The following DSG1 variants were observed in gnomAD, a reference collection of about 807,000 sequenced individuals.
The protein encoded by DSG1 is desmoglein 1.
A neutral mutation model predicts 97.5 loss-of-function variants in DSG1; 39 were observed. The observed-to-expected ratio is 0.40, with a 90% CI of 0.31 to 0.52. The LOEUF is 0.52. Ranked by LOEUF, DSG1 falls within the 20% of genes least tolerant of loss-of-function variation. The pLI, the probability that DSG1 is intolerant of heterozygous loss-of-function variation, is 0.53. For missense variants in DSG1, 1,311 were observed against 1,295.4 expected (o/e 1.01, Z -0.18); for synonymous variants, 475 against 443.4 (o/e 1.07, Z -0.90).
intron 14 of DSG1, chr18:31,347,523 T>C (rs1010640406): frequency 6.6e-6 from 1 of 152,152 alleles, no homozygotes; most frequent in South Asian, 2.1e-4. Flanking sequence ...ACACAGAGGG[T>C]CTGGCAAATA....
At chr18:31,330,402 T>G (rs1198579961) in intron 5 of DSG1, among the ~76,000 whole-genome samples, 1 of 152,108 alleles carries the variant, frequency 6.6e-6, no homozygotes, top group Non-Finnish European at 1.5e-5. Flanking sequence ...TTTTTTCCCC[T>G]TTTTTAAAGT....
chr18:31,324,797 G>A (rs2071676021), intron 1 of DSG1, among the ~76,000 whole-genome samples: 1 of 152,186 alleles, frequency 6.6e-6, no homozygotes, highest in Non-Finnish European at 1.5e-5. Context: ...CTCACCGTCT[G>A]TAATCACTGC....
At chr18:31,330,429 A>G (rs1264665877) in intron 5 of DSG1, among the ~76,000 whole-genome samples, 1 of 152,102 alleles carries the variant, frequency 6.6e-6, no homozygotes, top group Non-Finnish European at 1.5e-5. Flanking sequence ...CTTTAAAATC[A>G]CTTATAGAAA....
intron 1 of DSG1, among the ~76,000 whole-genome samples, chr18:31,325,131 C>T (rs1426895852): frequency 2.0e-5 from 3 of 152,164 alleles, no homozygotes; most frequent in African/African-American, 7.2e-5. Flanking sequence ...AATAAGCTTA[C>T]ACCAACCCAC....
chr18:31,340,418 C>T (rs1254704445), intron 11 of DSG1, among the ~76,000 whole-genome samples: 1 of 151,576 alleles, frequency 6.6e-6, no homozygotes, highest in Non-Finnish European at 1.5e-5. Context: ...ACCAGCCTGG[C>T]CAATATGGTG....
intron 6 of DSG1, among the ~76,000 whole-genome samples, chr18:31,333,075 T>C (rs1192885278): frequency 1.1e-4 from 17 of 152,024 alleles, no homozygotes; most frequent in Non-Finnish European, 1.2e-4. Context: ...TTTGCATGAG[T>C]CAAGGAAAGC....
rs2071802885 is a variant in DSG1, at chr18:31,343,377, T to C, written c.1688-73T>C. On this transcript the variant is annotated intron_variant, in intron 11 of 14. Transcript: ENST00000257192. Reference sequence around the variant, plus strand: ...TATATTACGAATTCAAATTTAACCATAAAAAATCAGGTTGTTTTGTTTTTT... The same window carrying C: ...TATATTACGAATTCAAATTTAACCACAAAAAATCAGGTTGTTTTGTTTTTT... 4 of 1,595,868 alleles carry C rather than the reference T, an allele frequency of 2.5e-6. No individual in the cohort carries two copies. The East Asian group carries it at 8.9e-5, about 36-fold the overall frequency.
chr18:31,329,108 CT>C (rs978127530), intron 4 of DSG1, among the ~76,000 whole-genome samples: 3 of 152,116 alleles, frequency 2.0e-5, no homozygotes, highest in Non-Finnish European at 2.9e-5. Flanking sequence ...CAATTGTTTG[CT>C]TTTTCTCACA....
rs2071768304 is a variant in DSG1, at chr18:31,338,400, G to GAAC, written c.1353_1355dup (p.Gln452dup). ...CACTTTGAAAAATAAAGTTACCAAG[G>GAAC]AACAGTACAATATGCTCGGAGGAAA... On this transcript the variant is annotated inframe_insertion, in exon 10 of 15. Transcript: ENST00000257192. 6.2e-7 allele frequency: 1 copy of GAAC among 1,613,660 alleles called. No homozygotes were observed. Among genetic ancestry groups the GAAC allele is most frequent in the African/African-American group, 1.3e-5 (1 of 75,012 alleles).
At position 31,355,021 on chromosome 18, in the gene DSG1, A is replaced by C. The variant is rs2071942448; in HGVS notation, c.2825A>C (p.Glu942Ala). Reference sequence around the variant, plus strand: ...ATAGGTAGTCTGAGTATGCACCCCGAGTTAGCCAATGCCCACAATGTCATT... The same window carrying C: ...ATAGGTAGTCTGAGTATGCACCCCGCGTTAGCCAATGCCCACAATGTCATT... ...GMIGSLSMHP[E>A]LANAHNVIVT... The change falls in exon 15 of 15, where the codon GAG (glutamate) becomes GCG (alanine). Residue 942 changes from glutamate (E) to alanine (A), a missense_variant. This residue lies in a region of DSG1 where 1,038 missense variants were observed against 964.6 expected (regional missense o/e 1.08). Coordinates refer to ENST00000257192, the MANE Select transcript of DSG1 (RefSeq NM_001942.4). 6.2e-7 allele frequency: 1 copy of C among 1,614,194 alleles called. No homozygotes were observed. Among genetic ancestry groups the C allele is most frequent in the East Asian group, 2.2e-5 (1 of 44,884 alleles).
At chr18:31,342,769 G>T (rs2071797912) in intron 11 of DSG1, among the ~76,000 whole-genome samples, 1 of 152,100 alleles carries the variant, frequency 6.6e-6, no homozygotes. Flanking sequence ...ATAAAGACAT[G>T]GAGGAGAGAA....
rs922345552 is a variant in DSG1, at chr18:31,356,440, G to A, written c.*1094G>A. 4.6e-5 allele frequency: 7 copies of A among 151,688 alleles called. No individual in the cohort carries two copies. The highest frequency in any genetic ancestry group is 1.7e-4 in the African/African-American group (7 of 41,320). The allele number at this position is 151,688 out of a possible 1,614,324, so 9.4% of individuals were successfully genotyped here. Reference sequence around the variant, plus strand: ...AGCTTTGGGGAATTTTTTTTTAAGGGGATCTAAAAAAATGTTTTTAGAACA... The same window carrying A: ...AGCTTTGGGGAATTTTTTTTTAAGGAGATCTAAAAAAATGTTTTTAGAACA... On this transcript the variant is annotated 3_prime_UTR_variant, in exon 15 of 15. Coordinates refer to ENST00000257192, the MANE Select transcript of DSG1 (RefSeq NM_001942.4).
chr18:31,341,054 C>T (rs1473542209), intron 11 of DSG1, among the ~76,000 whole-genome samples: 2 of 152,142 alleles, frequency 1.3e-5, no homozygotes, highest in African/African-American at 4.8e-5. Flanking sequence ...TAGCACTAGT[C>T]AAGGGTCTAG....
chr18:31,350,429 C>CT (rs1195536822), intron 14 of DSG1, among the ~76,000 whole-genome samples: 1 of 139,278 alleles, frequency 7.2e-6, no homozygotes, highest in African/African-American at 2.8e-5. Context: ...CTAAAATTCT[C>CT]TTTTTTTGTT....
At chr18:31,346,365 G>A (rs2071836451) in intron 14 of DSG1, among the ~76,000 whole-genome samples, 167 bp downstream of exon 14, 1 of 152,084 alleles carries the variant, frequency 6.6e-6, no homozygotes, top group African/African-American at 2.4e-5. Flanking sequence ...TATATCTAAA[G>A]CTCTGACCTG....
intron 11 of DSG1, among the ~76,000 whole-genome samples, chr18:31,341,467 T>G (rs2071788218): frequency 6.6e-6 from 1 of 152,240 alleles, no homozygotes; most frequent in Non-Finnish European, 1.5e-5. Context: ...TCATCAACAT[T>G]GGGCTCATCT....
intron 10 of DSG1, 133 bp from the exon 11 acceptor site, chr18:31,339,611 A>G: frequency 1.7e-6 from 1 of 602,728 alleles, no homozygotes; most frequent in East Asian, 3.0e-5. Flanking sequence ...ACAAGGGATG[A>G]TTTTCAAGTT....
At chr18:31,349,354 T>C (rs1010643188) in intron 14 of DSG1, among the ~76,000 whole-genome samples, 1 of 148,428 alleles carries the variant, frequency 6.7e-6, no homozygotes, top group African/African-American at 2.5e-5. Context: ...TACCATGCTG[T>C]TTTGGTTACT....
intron 7 of DSG1, 116 bp downstream of exon 7, chr18:31,333,839 G>A (rs2071735445): frequency 1.5e-6 from 2 of 1,326,482 alleles, no homozygotes; most frequent in South Asian, 2.4e-5. Flanking sequence ...CCCAAATGTA[G>A]ACACATACTT....
Sources: allele counts gnomAD v4.1 joint callset (sites outside exome capture counted in the v4.1 genomes callset), GRCh38; gene constraint gnomAD v4.1.1; regional missense constraint gnomAD v4.1.1; transcripts MANE v1.5; gene names NCBI Gene and HGNC (gene_info 2026-07-23, HGNC 2026-07-21).